Variants in CEP128 observed in about 807,000 individuals in gnomAD.
The protein encoded by CEP128 is centrosomal protein 128, also known as centrosomal protein 128kDa.
Under a neutral mutation model 156.7 loss-of-function variants are expected in CEP128, and 132 were observed. The ratio of observed to expected loss-of-function variants is 0.84; its 90% CI spans 0.73 to 0.97. CEP128 has a LOEUF of 0.97. Among genes scored for constraint, CEP128 ranks in the 50% least tolerant of loss-of-function variants. The pLI is 0.00. For synonymous variants in CEP128, 469 were observed against 448.9 expected, an observed-to-expected ratio of 1.04 and a Z score of -0.57; for missense variants, 1,252 against 1,281.9, an observed-to-expected ratio of 0.98 and a Z score of 0.36.
At chr14:80,625,469 AT>A (rs949067623) in intron 19 of CEP128, among the ~76,000 whole-genome samples, 5 of 151,410 alleles carry the variant, frequency 3.3e-5, no homozygotes, top group Non-Finnish European at 5.9e-5. Context: ...GAATTTCAGG[AT>A]TTTTTTTCTA....
At chr14:80,507,896 G>A (rs1388228611) in intron 23 of CEP128, among the ~76,000 whole-genome samples, 1 of 152,128 alleles carries the variant, frequency 6.6e-6, no homozygotes, top group African/African-American at 2.4e-5. Flanking sequence ...TTTCTATTTA[G>A]GGAAAAATAA....
chr14:80,762,227 G>C (rs1226983536), intron 16 of CEP128, among the ~76,000 whole-genome samples: 2 of 151,920 alleles, frequency 1.3e-5, no homozygotes, highest in Non-Finnish European at 2.9e-5. Flanking sequence ...GAGATTACAA[G>C]GACTTGGGGA....
rs147678756 is a variant in CEP128 at position 80,803,218 on chromosome 14, T to G, written c.1210-10108A>C. On this transcript the variant is annotated intron_variant, in intron 13 of 24. Coordinates refer to ENST00000555265, the MANE Select transcript of CEP128 (RefSeq NM_152446.5). ...AATGTGATATATATGAGCCATTCTT[T>G]GTGCTCTATTTCAAATCTTGCCTCT... is the stretch of plus-strand genomic sequence containing the variant. Among the ~76,000 whole-genome samples, 557 of 152,274 alleles carry G rather than the reference T, an allele frequency of 3.7e-3. 3 individuals are homozygous for G. The highest frequency in any genetic ancestry group is 0.012 in the African/African-American group (516 of 41,556).
chr14:80,689,049 G>A (rs974261620), intron 19 of CEP128, among the ~76,000 whole-genome samples: 1 of 152,082 alleles, frequency 6.6e-6, no homozygotes, highest in Non-Finnish European at 1.5e-5. Context: ...ATGCACTGGA[G>A]ATACAATGAT....
intron 19 of CEP128, among the ~76,000 whole-genome samples, chr14:80,630,744 A>C (rs1468981766): frequency 6.6e-6 from 1 of 152,054 alleles, no homozygotes; most frequent in Non-Finnish European, 1.5e-5. Flanking sequence ...GTAAGGACTG[A>C]CCAATATAAC....
chr14:80,761,550 T>C lies in CEP128; in HGVS notation c.2440A>G (p.Lys814Glu), dbSNP rs1184034907. 1.2e-6 allele frequency: 2 copies of C among 1,610,548 alleles called. No individual in the cohort carries two copies. Among genetic ancestry groups the C allele is most frequent in the Admixed American group, 3.3e-5 (2 of 60,018 alleles). ...RRMEEARLQL[K>E]DQLLCLETEQ... ...GTCTCCAAGCAAAGAAGTTGATCCT[T>C]GAGCTGCAATCTGGCCTCTTCCATC... Residue 814 changes from lysine (K) to glutamate (E), a missense_variant, in exon 17 of 25, where the codon AAG becomes GAG. By Grantham distance (56) the Lys-to-Glu change is moderately conservative (BLOSUM62 1). Coordinates refer to ENST00000555265, the MANE Select transcript of CEP128 (RefSeq NM_152446.5).
At chr14:80,609,273 T>C (rs1241815319) in intron 19 of CEP128, among the ~76,000 whole-genome samples, 1 of 152,154 alleles carries the variant, frequency 6.6e-6, no homozygotes, top group Non-Finnish European at 1.5e-5. Flanking sequence ...GACTCATTTT[T>C]TTTTTCCAAA....
At chr14:80,521,062 C>T (rs1254667833) in intron 23 of CEP128, among the ~76,000 whole-genome samples, 3 of 142,872 alleles carry the variant, frequency 2.1e-5, no homozygotes, top group African/African-American at 7.9e-5. Context: ...AGGATGGTCT[C>T]GATCTCCTGA....
chr14:80,836,312 G>T lies in CEP128; in HGVS notation c.950C>A (p.Thr317Lys), dbSNP rs749206725. The T allele has an allele frequency of 6.2e-7, 1 of 1,613,888 alleles. No individual in the cohort carries two copies. The highest frequency in any genetic ancestry group is 1.1e-5 in the South Asian group (1 of 91,072). ...HQVEELRTQL[T>K]KAEGDRKGLQ... is the part of the protein sequence containing the mutation. ...ACCCTTTCGATCACCTTCTGCTTTCGTAAGTTGTGTACGCAGTTCTTCTAC... is the reference window on the plus strand; with the variant it reads ...ACCCTTTCGATCACCTTCTGCTTTCTTAAGTTGTGTACGCAGTTCTTCTAC... Residue 317 changes from threonine (T) to lysine (K), a missense_variant, in exon 12 of 25, where the codon ACG (threonine) becomes AAG (lysine). Transcript: ENST00000555265.
intron 19 of CEP128, among the ~76,000 whole-genome samples, chr14:80,721,586 T>C (rs552186013): frequency 2.6e-5 from 4 of 152,342 alleles, no homozygotes; most frequent in East Asian, 1.9e-4. Context: ...AATTTCACTT[T>C]CTTTTTACCT....
At chr14:80,887,341 CATAGCACTTATT>C (rs1447949838) in intron 8 of CEP128, among the ~76,000 whole-genome samples, 1 of 152,198 alleles carries the variant, frequency 6.6e-6, no homozygotes, top group Non-Finnish European at 1.5e-5. Flanking sequence ...CTTAGCACTG[CATAGCACTTATT>C]ATAAAATTGA....
intron 19 of CEP128, among the ~76,000 whole-genome samples, chr14:80,723,172 G>C (rs1897891720): frequency 6.6e-6 from 1 of 152,072 alleles, no homozygotes; most frequent in Non-Finnish European, 1.5e-5. Flanking sequence ...ATCTAGAATG[G>C]TAGAGTGAGC....
intron 9 of CEP128, among the ~76,000 whole-genome samples, chr14:80,851,910 A>C (rs113593994): frequency 5.3e-5 from 8 of 152,144 alleles, no homozygotes; most frequent in African/African-American, 1.7e-4. Flanking sequence ...ACCAAGAAGT[A>C]ATTTAATTAT....
chr14:80,807,436 C>T (rs1169966591), intron 13 of CEP128, among the ~76,000 whole-genome samples: 2 of 152,100 alleles, frequency 1.3e-5, no homozygotes, highest in African/African-American at 4.8e-5. Flanking sequence ...AGTCTCATAC[C>T]TCAAATAGAA....
chr14:80,861,577 T>C (rs1406156838), intron 9 of CEP128, among the ~76,000 whole-genome samples: 1 of 152,042 alleles, frequency 6.6e-6, no homozygotes, highest in African/African-American at 2.4e-5. Flanking sequence ...ATGAAAGCCA[T>C]TCTACAAAAT....
chr14:80,658,313 C>T (rs11159471), intron 19 of CEP128, among the ~76,000 whole-genome samples: 89,154 of 151,436 alleles, frequency 0.59, 27,065 homozygotes, highest in Non-Finnish European at 0.66. Flanking sequence ...TCTTTTGTTG[C>T]TGTTGTTTTC....
At chr14:80,505,540 A>C (rs574916454) in intron 23 of CEP128, among the ~76,000 whole-genome samples, 1 of 152,282 alleles carries the variant, frequency 6.6e-6, no homozygotes, top group South Asian at 2.1e-4. Flanking sequence ...GGTCAATAAA[A>C]ATAATTGGAT....
intron 19 of CEP128, among the ~76,000 whole-genome samples, chr14:80,658,139 T>C (rs1895253628): frequency 6.6e-6 from 1 of 152,338 alleles, no homozygotes; most frequent in South Asian, 2.1e-4. Flanking sequence ...TAAGAGTTAA[T>C]TGGTTTTTAA....
intron 19 of CEP128, among the ~76,000 whole-genome samples, chr14:80,713,781 T>C (rs1026073609): frequency 4.6e-5 from 7 of 152,188 alleles, no homozygotes; most frequent in Admixed American, 2.6e-4. Context: ...AAAGAGAAGG[T>C]TGGAAACAAA....
Sources: allele counts gnomAD v4.1 joint callset (sites outside exome capture counted in the v4.1 genomes callset), GRCh38; gene constraint gnomAD v4.1.1; transcripts MANE v1.5; gene names NCBI Gene and HGNC (gene_info 2026-07-23, HGNC 2026-07-21).